Variants in GPR35 observed in about 807,000 individuals in gnomAD.
The protein encoded by GPR35 is KYNA receptor.
For missense variants in GPR35, 372 were observed against 422.5 expected, an observed-to-expected ratio of 0.88 and a Z score of 1.05; for synonymous variants, 207 against 198.4, an observed-to-expected ratio of 1.04 and a Z score of -0.36.
At chr2:240,619,851 T>G (rs777213749) in intron 5 of GPR35, among the ~76,000 whole-genome samples, 2 of 151,800 alleles carry the variant, frequency 1.3e-5, no homozygotes, top group Non-Finnish European at 2.9e-5. Context: ...AAGTGGCACT[T>G]AGGAGTGAGG....
At chr2:240,624,799 T>C (rs996334886), upstream of GPR35, among the ~76,000 whole-genome samples, 7 of 151,398 alleles carry the variant, frequency 4.6e-5, no homozygotes, top group Non-Finnish European at 1.0e-4. Flanking sequence ...AGAAGGAAGA[T>C]GTCCGCTGAG....
chr2:240,619,945 A>T (rs1483052718), intron 5 of GPR35, among the ~76,000 whole-genome samples: 5 of 152,112 alleles, frequency 3.3e-5, no homozygotes, highest in Admixed American at 6.5e-5. Context: ...CTCTGCTGAG[A>T]AGGGAGGGCC....
At chr2:240,625,345 A>G (rs2043356415), upstream of GPR35, 2 of 985,286 alleles carry the variant, frequency 2.0e-6, no homozygotes, top group Non-Finnish European at 2.4e-6. Flanking sequence ...CACGCCCTCT[A>G]GCTGGGGCTG....
At position 240,630,976 on chromosome 2, in the gene GPR35, A is replaced by T. The variant is rs1418375346; in HGVS notation, c.*94A>T. On this transcript the variant is annotated 3_prime_UTR_variant, in exon 2 of 2. Transcript: ENST00000407714. ...TGGAACCAGTAGCAAGGAGCCCGAG[A>T]TCAGCCCTGAACTCACTGTGTATTC... 1 of 1,004,270 alleles carries T rather than the reference A, an allele frequency of 1.0e-6. No individual in the cohort carries two copies. Among genetic ancestry groups the T allele is most frequent in the African/African-American group, 1.6e-5 (1 of 62,544 alleles). The allele number at this position is 1,004,270 out of a possible 1,614,324, so 62.2% of individuals were successfully genotyped here.
intron 2 of GPR35, among the ~76,000 whole-genome samples, chr2:240,611,472 C>G (rs563751020): frequency 1.3e-5 from 2 of 152,246 alleles, no homozygotes; most frequent in South Asian, 2.1e-4. Flanking sequence ...GACTATTATA[C>G]TTCCTTGTTT....
chr2:240,619,696 G>A (rs2043271858), intron 5 of GPR35, among the ~76,000 whole-genome samples: 3 of 152,172 alleles, frequency 2.0e-5, no homozygotes, highest in African/African-American at 2.4e-5. Context: ...GACAGCACAC[G>A]ACACACACTC....
chr2:240,627,424 T>G (rs889655048), intron 1 of GPR35: 7 of 152,220 alleles, frequency 4.6e-5, no homozygotes, highest in Non-Finnish European at 8.8e-5. Flanking sequence ...AGTTCAGTGT[T>G]TGTTTTATTA....
intron 1 of GPR35, 104 bp from the exon 2 acceptor site, chr2:240,629,845 C>A: frequency 1.0e-6 from 1 of 986,744 alleles, no homozygotes; most frequent in Non-Finnish European, 1.5e-6. Context: ...GGGGTCGGGG[C>A]TCACCTCCTC....
chr2:240,629,950 A>T lies in GPR35; in HGVS notation c.-3A>T, dbSNP rs1380726644. On this transcript the variant is annotated splice_region_variant and 5_prime_UTR_variant, in exon 2 of 2. Coordinates refer to ENST00000407714, the MANE Select transcript of GPR35 (RefSeq NM_005301.5). Reference sequence around the variant, plus strand: ...CTCCGGCTCCCTGTGCTGCCCCAGGACCATGAATGGCACCTACAACACCTG... The same window carrying T: ...CTCCGGCTCCCTGTGCTGCCCCAGGTCCATGAATGGCACCTACAACACCTG... 1.3e-6 allele frequency: 2 copies of T among 1,597,712 alleles called. No individual in the cohort carries two copies. Among genetic ancestry groups the T allele is most frequent in the Non-Finnish European group, 1.7e-6 (2 of 1,168,408 alleles).
rs1405440196 is a variant in GPR35 at position 240,630,684 on chromosome 2, C to G, written c.732C>G (p.Gly244=). The change falls in exon 2 of 2, where the codon GGC becomes GGG. Residue 244 remains glycine (G), a synonymous_variant. Coordinates refer to ENST00000407714, the MANE Select transcript of GPR35 (RefSeq NM_005301.5). ...HVGLTVRLAV[G]WNACALLETI... ...GGCTGACAGTGCGCCTCGCAGTGGG[C>G]TGGAACGCCTGTGCCCTCCTGGAGA... 1 of 1,613,368 alleles carries G rather than the reference C, an allele frequency of 6.2e-7. No individual in the cohort carries two copies. The highest frequency in any genetic ancestry group is 1.7e-5 in the Admixed American group (1 of 60,034).
chr2:240,620,556 C>T (rs1354619443), upstream of GPR35, among the ~76,000 whole-genome samples: 1 of 152,074 alleles, frequency 6.6e-6, no homozygotes, highest in South Asian at 2.1e-4. Flanking sequence ...TCGTGGTCCT[C>T]TCAGGGCCCC....
intron 5 of GPR35, among the ~76,000 whole-genome samples, chr2:240,619,486 G>A (rs999024779): frequency 6.6e-6 from 1 of 152,186 alleles, no homozygotes; most frequent in Non-Finnish European, 1.5e-5. Context: ...CTTCTTCTGG[G>A]GTTAAGGACC....
intron 1 of GPR35, among the ~76,000 whole-genome samples, chr2:240,625,978 T>G (rs74217464): frequency 0.26 from 1,289 of 4,882 alleles, 5 homozygotes; most frequent in Middle Eastern, 0.5. Context: ...CTGTGATGGG[T>G]TCTCAGAGCA....
chr2:240,615,081 T>C (rs2043226021), intron 2 of GPR35, among the ~76,000 whole-genome samples: 1 of 151,856 alleles, frequency 6.6e-6, no homozygotes, highest in African/African-American at 2.4e-5. Flanking sequence ...GTGTGTATGT[T>C]TACATGTGTC....
intron 2 of GPR35, among the ~76,000 whole-genome samples, chr2:240,615,622 T>G (rs1392614819): frequency 6.6e-6 from 1 of 152,240 alleles, no homozygotes; most frequent in Non-Finnish European, 1.5e-5. Context: ...CAAAATGTTT[T>G]GAGATAAGTG....
intron 2 of GPR35, among the ~76,000 whole-genome samples, chr2:240,606,933 C>G (rs979305400): frequency 6.6e-6 from 1 of 152,102 alleles, no homozygotes; most frequent in Non-Finnish European, 1.5e-5. Context: ...GCTGAAGTCT[C>G]GAGGATGAAT....
In GPR35 at chr2:240,630,100, C is replaced by G; in HGVS notation, c.148C>G (p.Gln50Glu). Residue 50 changes from glutamine (Q) to glutamate (E), a missense_variant, in exon 2 of 2, where the codon CAG becomes GAG. Coordinates refer to ENST00000407714, the MANE Select transcript of GPR35 (RefSeq NM_005301.5). ...GCTCTGGGTGTTCTGCTGCCGCATGCAGCAGTGGACGGAGACCCGCATCTA... is the reference window on the plus strand; with the variant it reads ...GCTCTGGGTGTTCTGCTGCCGCATGGAGCAGTGGACGGAGACCCGCATCTA... ...LALWVFCCRM[Q>E]QWTETRIYMT... 6.2e-7 allele frequency: 1 copy of G among 1,609,092 alleles called. No individual in the cohort carries two copies. The highest frequency in any genetic ancestry group is 8.5e-7 in the Non-Finnish European group (1 of 1,179,858).
At chr2:240,617,816 G>A (rs1037289173) in intron 4 of GPR35, 2 of 156,448 alleles carry the variant, frequency 1.3e-5, no homozygotes, top group African/African-American at 2.4e-5. Context: ...CAGCCTATTT[G>A]ATTTAACTCC....
upstream of GPR35, among the ~76,000 whole-genome samples, chr2:240,622,212 T>C (rs1019987075): frequency 2.6e-5 from 4 of 152,210 alleles, no homozygotes; most frequent in Non-Finnish European, 5.9e-5. Flanking sequence ...TATATTGTTC[T>C]GGATACCAGG....
Sources: allele counts gnomAD v4.1 joint callset (sites outside exome capture counted in the v4.1 genomes callset), GRCh38; gene constraint gnomAD v4.1.1; transcripts MANE v1.5; gene names NCBI Gene and HGNC (gene_info 2026-07-23, HGNC 2026-07-21).